DUSP22: variants seen among roughly 807,000 people sequenced by gnomAD.
DUSP22 encodes the protein dual specificity protein phosphatase 22.
Under a neutral mutation model 24.5 loss-of-function variants are expected in DUSP22, and 24 were observed. The observed-to-expected ratio is 0.98, with a 90% CI of 0.71 to 1.38. DUSP22 has a LOEUF of 1.38. Ranked by LOEUF, DUSP22 falls within the 40% of genes most tolerant of loss-of-function variation. The pLI, the probability that DUSP22 is intolerant of heterozygous loss-of-function variation, is 0.00. For synonymous variants in DUSP22, 160 were observed against 106.4 expected (o/e 1.50, Z -3.10); for missense variants, 330 against 269.2 (o/e 1.23, Z -1.58).
rs996725425 is a variant in DUSP22, at chr6:349,460, G to A, written c.*509G>A. On this transcript the variant is annotated 3_prime_UTR_variant, in exon 7 of 7. Coordinates refer to ENST00000419235, the MANE Select transcript of DUSP22 (RefSeq NM_001286555.3). ...TGGAAGGCATTTGAGCTCGACCTCC[G>A]AAAAGCTACCCAGCAAAGAGCAGTC... 7.7e-5 allele frequency: 78 copies of A among 1,008,522 alleles called. No homozygotes were observed. Among genetic ancestry groups the A allele is most frequent in the Admixed American group, 2.2e-4 (4 of 18,042 alleles). The allele number at this position is 1,008,522 out of a possible 1,614,324, so 62.5% of individuals were successfully genotyped here.
intron 4 of DUSP22, among the ~76,000 whole-genome samples, chr6:344,103 A>G (rs1759747028): frequency 6.6e-6 from 1 of 152,306 alleles, no homozygotes; most frequent in Non-Finnish European, 1.5e-5. Context: ...GGAGCGCACC[A>G]CAGTGGGGCT....
rs577258649 is a variant in DUSP22 at position 297,940 on chromosome 6, T to C, written c.21+5380T>C. 6.6e-5 allele frequency among the ~76,000 whole-genome samples: 10 copies of C among 152,426 alleles called. No individual in the cohort carries two copies. The East Asian group carries it at 1.5e-3, about 23-fold the overall frequency. ...ATTGAACACAGTCAAGACACTGTGT[T>C]AGATCCTGTAGTGAGCTGTTAATAG... On this transcript the variant is annotated intron_variant, in intron 1 of 6. Coordinates refer to ENST00000419235, the MANE Select transcript of DUSP22 (RefSeq NM_001286555.3).
chr6:302,713 G>A lies in DUSP22; in HGVS notation c.22-1915G>A, dbSNP rs534034444. Among the ~76,000 whole-genome samples the A allele has an allele frequency of 3.9e-5, 6 of 152,422 alleles. No homozygotes were observed. The South Asian group carries it at 8.3e-4, about 21-fold the overall frequency. ...TAGAAACATTTTGATCTAGAAAATC[G>A]CCTAGTGATTATAACTGTAGAGTCA... On this transcript the variant is annotated intron_variant, in intron 1 of 6. Coordinates refer to ENST00000419235, the MANE Select transcript of DUSP22 (RefSeq NM_001286555.3).
intron 1 of DUSP22, among the ~76,000 whole-genome samples, chr6:303,737 A>T (rs576051197): frequency 6.6e-6 from 1 of 152,426 alleles, no homozygotes; most frequent in East Asian, 1.9e-4. Context: ...CAGAGTGTCC[A>T]TGCAAAGTGC....
chr6:293,569 G>C (rs1757191696), intron 1 of DUSP22, among the ~76,000 whole-genome samples: 1 of 152,290 alleles, frequency 6.6e-6, no homozygotes, highest in African/African-American at 2.4e-5. Context: ...TGGCAATGTG[G>C]CTGTGTTTTT....
chr6:297,187 A>T (rs1757373816), intron 1 of DUSP22, among the ~76,000 whole-genome samples: 1 of 152,304 alleles, frequency 6.6e-6, no homozygotes, highest in African/African-American at 2.4e-5. Flanking sequence ...GGATTCATAG[A>T]TGTATAGAAC....
Position 350,289 on chromosome 6 carries a change from T to A in DUSP22, c.*1338T>A. ...TCCACATTCAGGCCACGAGAGCATC[T>A]ACAGTTTGTACTCTGGGGCTGCAGG... On this transcript the variant is annotated 3_prime_UTR_variant, in exon 7 of 7. Coordinates refer to ENST00000419235, the MANE Select transcript of DUSP22 (RefSeq NM_001286555.3). The A allele has an allele frequency of 1.0e-6, 1 of 993,514 alleles. No homozygotes were observed. 61.5% of individuals were successfully genotyped at this position (993,514 alleles called of 1,614,324 possible). A position where few individuals can be genotyped will look rare whatever the true frequency, so the allele number is the denominator to read the frequency against.
Position 350,903 on chromosome 6 carries a change from A to C in DUSP22, c.*1952A>C. 1.2e-6 allele frequency: 2 copies of C among 1,613,608 alleles called. No homozygotes were observed. The highest frequency in any genetic ancestry group is 1.7e-6 in the Non-Finnish European group (2 of 1,179,462). ...AGTTTCTGAAATATTGCAAACCCAC[A>C]GAGTTTAGGCTGGTGCTGCCAAAAA... On this transcript the variant is annotated 3_prime_UTR_variant, in exon 7 of 7. Coordinates refer to ENST00000419235, the MANE Select transcript of DUSP22 (RefSeq NM_001286555.3).
intron 1 of DUSP22, among the ~76,000 whole-genome samples, chr6:302,109 C>A (rs2127391539): frequency 6.6e-6 from 1 of 152,426 alleles, no homozygotes; most frequent in East Asian, 1.9e-4. Flanking sequence ...GAGAGAAATG[C>A]AGAAGCCCTC....
intron 3 of DUSP22, among the ~76,000 whole-genome samples, chr6:324,374 A>T (rs1373628854): frequency 1.3e-5 from 2 of 152,308 alleles, no homozygotes; most frequent in East Asian, 3.8e-4. Context: ...AGCAAGGAAC[A>T]CGCTCTCCCA....
At chr6:341,103 G>C (rs1759585512) in intron 4 of DUSP22, among the ~76,000 whole-genome samples, 1 of 152,306 alleles carries the variant, frequency 6.6e-6, no homozygotes, top group African/African-American at 2.4e-5. Context: ...CTCCCTGGAG[G>C]TGCCCCTGCT....
intron 1 of DUSP22, among the ~76,000 whole-genome samples, chr6:293,517 C>G (rs1432156815): frequency 6.6e-6 from 1 of 152,198 alleles, no homozygotes; most frequent in Non-Finnish European, 1.5e-5. Flanking sequence ...GCTCCACCCA[C>G]CCACATCTCT....
At chr6:347,468 T>C (rs1346003294) in intron 5 of DUSP22, among the ~76,000 whole-genome samples, 1 of 152,308 alleles carries the variant, frequency 6.6e-6, no homozygotes, top group African/African-American at 2.4e-5. Flanking sequence ...TGCATGTACA[T>C]GTAAAACGGG....
At chr6:304,487 A>C in intron 1 of DUSP22, 141 bp from the exon 2 acceptor site, 1 of 1,261,564 alleles carries the variant, frequency 7.9e-7, no homozygotes, top group Non-Finnish European at 1.2e-6. Context: ...ATGTTGGGTC[A>C]CCCGCGTGTC....
At position 350,564 on chromosome 6, in the gene DUSP22, C is replaced by CGCAG. The variant is rs1205893735; in HGVS notation, c.*1615_*1618dup. On this transcript the variant is annotated 3_prime_UTR_variant, in exon 7 of 7. Transcript: ENST00000419235. ...GGAAAAACAAAGTTGCCTGATTCCGCGCAGGTGCACAGGCCCCGGATGTAC... is the reference window on the plus strand; with the variant it reads ...GGAAAAACAAAGTTGCCTGATTCCGCGCAGGCAGGTGCACAGGCCCCGGATGTAC... 1 of 1,380,434 alleles carries CGCAG rather than the reference C, an allele frequency of 7.2e-7. No homozygotes were observed. The highest frequency in any genetic ancestry group is 9.4e-7 in the Non-Finnish European group (1 of 1,067,896). 85.5% of individuals were successfully genotyped at this position (1,380,434 alleles called of 1,614,324 possible). A position where few individuals can be genotyped will look rare whatever the true frequency, so the allele number is the denominator to read the frequency against.
At chr6:298,562 G>A (rs868325541) in intron 1 of DUSP22, among the ~76,000 whole-genome samples, 19 of 152,418 alleles carry the variant, frequency 1.2e-4, no homozygotes, top group South Asian at 6.2e-4. Flanking sequence ...GCTTAAGTGC[G>A]TTTTTGTGGC....
intron 2 of DUSP22, among the ~76,000 whole-genome samples, chr6:311,442 A>G (rs1236317822): frequency 6.6e-6 from 1 of 152,310 alleles, no homozygotes; most frequent in Non-Finnish European, 1.5e-5. Context: ...GCACTTTGGG[A>G]GGCCGAGGCG....
At chr6:343,879 C>G (rs1443296355) in intron 4 of DUSP22, among the ~76,000 whole-genome samples, 2 of 152,298 alleles carry the variant, frequency 1.3e-5, no homozygotes, top group African/African-American at 2.4e-5. Flanking sequence ...GAATGTCTTA[C>G]AGTTTATCAG....
Position 349,809 on chromosome 6 carries a change from C to T in DUSP22, c.*858C>T, listed in dbSNP as rs1245672981. The stretch of plus-strand genomic sequence containing the variant: ...CCCTGAGTTCTACTTGGTGTTTGTT[C>T]TCTGGAGCTGATTGCACTTGAGCTC... On this transcript the variant is annotated 3_prime_UTR_variant, in exon 7 of 7. Coordinates refer to ENST00000419235, the MANE Select transcript of DUSP22 (RefSeq NM_001286555.3). 9.1e-6 allele frequency: 9 copies of T among 985,826 alleles called. No homozygotes were observed. The highest frequency in any genetic ancestry group is 1.1e-5 in the Non-Finnish European group (9 of 830,256). The allele number at this position is 985,826 out of a possible 1,614,324, so 61.1% of individuals were successfully genotyped here.
Sources: gnomAD v4.1 joint callset for allele counts (sites outside exome capture counted in the v4.1 genomes callset) on GRCh38, gnomAD v4.1.1 for gene constraint, MANE v1.5 for transcripts, NCBI Gene and HGNC (gene_info 2026-07-23, HGNC 2026-07-21) for gene names.